The following TENM1 variants were observed in gnomAD, a reference collection of about 807,000 sequenced individuals.
TENM1 encodes the protein teneurin transmembrane protein 1.
A neutral mutation model predicts 174.8 loss-of-function variants in TENM1; 35 were observed. The ratio of observed to expected loss-of-function variants is 0.20; its 90% CI spans 0.15 to 0.27. The LOEUF (loss-of-function observed/expected upper bound fraction) is 0.27, where lower values mean the gene tolerates loss of function less well. TENM1 is among the 10% of genes least tolerant of loss of function. The pLI is 1.00. For synonymous variants in TENM1, 781 were observed against 798.7 expected (o/e 0.98, Z 0.37); for missense variants, 1,633 against 2,130.1 (o/e 0.77, Z 4.59).
intron 5 of TENM1, among the ~76,000 whole-genome samples, chrX:124,679,346 G>C (rs965743061): frequency 8.9e-6 from 1 of 111,748 alleles, no homozygotes. Context: ...CAAAACTACA[G>C]ATCTGCTTGT....
chrX:124,804,950 G>A (rs1372308835), intron 3 of TENM1, among the ~76,000 whole-genome samples: 1 of 111,805 alleles, frequency 8.9e-6, no homozygotes, highest in Non-Finnish European at 1.9e-5. Context: ...TTGCAAAATG[G>A]CATTGGTTTT....
rs139442021 is a variant in TENM1, at chrX:124,515,099, C to A, written c.3301+5418G>T. Among the ~76,000 whole-genome samples the A allele has an allele frequency of 8.9e-3, 995 of 111,306 alleles. 11 individuals carry two copies. The highest frequency in any genetic ancestry group is 0.031 in the African/African-American group (948 of 30,631). On this transcript the variant is annotated intron_variant, in intron 18 of 31. Coordinates refer to ENST00000422452, the Ensembl canonical transcript of TENM1. ...CATAAATGGAACTAAAGAAAAAAAC[C>A]ACTTGATCTCAACAGATGCATAAAT...
At chrX:125,028,911 C>T in the TENM1 span, among the ~76,000 whole-genome samples, 1 of 111,398 alleles carries the variant, frequency 9.0e-6, no homozygotes, top group Non-Finnish European at 1.9e-5. Flanking sequence ...AGGTAACATG[C>T]TAGATTTGAC....
At chrX:125,003,059 T>C in the TENM1 span, among the ~76,000 whole-genome samples, 293 of 111,964 alleles carry the variant, frequency 2.6e-3, 1 homozygote, top group African/African-American at 9.1e-3. Context: ...GGTTAAAACA[T>C]GCCCTCAATT....
At chrX:124,666,764 C>G (rs2051775880) in intron 6 of TENM1, among the ~76,000 whole-genome samples, 4 of 111,576 alleles carry the variant, frequency 3.6e-5, no homozygotes, top group Admixed American at 2.9e-4. Flanking sequence ...CTGAAACTAG[C>G]TAGAAACAAA....
At chrX:125,003,579 C>T in the TENM1 span, among the ~76,000 whole-genome samples, 1 of 111,191 alleles carries the variant, frequency 9.0e-6, no homozygotes, top group Non-Finnish European at 1.9e-5. Context: ...AGTTTGTGGG[C>T]TGCTTTATAA....
intron 25 of TENM1, among the ~76,000 whole-genome samples, chrX:124,418,407 T>C (rs1466060581): frequency 1.8e-5 from 2 of 108,784 alleles, no homozygotes; most frequent in Non-Finnish European, 1.9e-5. Flanking sequence ...TACAGATCTT[T>C]ATGCAAAAGT....
intron 3 of TENM1, among the ~76,000 whole-genome samples, chrX:124,886,536 T>TAGAG (rs2057387530): frequency 4.4e-5 from 4 of 90,925 alleles, no homozygotes; most frequent in East Asian, 3.8e-4. Flanking sequence ...TATATATATA[T>TAGAG]ATATATATAT....
the TENM1 span, among the ~76,000 whole-genome samples, chrX:125,117,702 T>A: frequency 2.8e-5 from 3 of 108,474 alleles, no homozygotes; most frequent in Admixed American, 9.9e-5. Context: ...AACTATAATT[T>A]AAAAAAAAAG....
At chrX:124,987,698 ATTTTGT>A in the TENM1 span, among the ~76,000 whole-genome samples, 1 of 72,473 alleles carries the variant, frequency 1.4e-5, no homozygotes, top group African/African-American at 6.0e-5. Flanking sequence ...CATGTTCTGC[ATTTTGT>A]GTGTGTGTGT....
Position 124,695,076 on chromosome X carries a change from G to A in TENM1, c.1015+9937C>T, listed in dbSNP as rs1241465164. ...TTGTTATAGCCATTTATACCTCAGT[G>A]TGAGTTATTTTATTATGTGGCTTCA... On this transcript the variant is annotated intron_variant, in intron 5 of 31. Transcript: ENST00000422452. Among the ~76,000 whole-genome samples, 4 of 111,600 alleles carry A rather than the reference G, an allele frequency of 3.6e-5. No homozygotes were observed. In the East Asian group the frequency reaches 1.1e-3, roughly 31 times the overall value.
the TENM1 span, among the ~76,000 whole-genome samples, chrX:125,006,131 C>A: frequency 8.9e-6 from 1 of 112,056 alleles, no homozygotes; most frequent in South Asian, 3.7e-4. Context: ...GAGATTCTCA[C>A]TGCCAGCAGA....
At chrX:124,438,117 C>G (rs944101564) in intron 23 of TENM1, among the ~76,000 whole-genome samples, 1 of 111,416 alleles carries the variant, frequency 9.0e-6, no homozygotes, top group African/African-American at 3.3e-5. Flanking sequence ...TCCCTAGAAC[C>G]TGAAGACACT....
intron 1 of TENM1, among the ~76,000 whole-genome samples, chrX:124,943,767 A>G (rs1369515961): frequency 6.2e-5 from 7 of 112,198 alleles, no homozygotes; most frequent in Non-Finnish European, 1.1e-4. Context: ...ACAAACAGTC[A>G]TAAGATTGCT....
chrX:124,608,781 C>CT lies in TENM1; in HGVS notation c.2077+33009dup, dbSNP rs55733864. Among the ~76,000 whole-genome samples the CT allele has an allele frequency of 1.2e-3, 112 of 93,061 alleles. 1 individual carries two copies. The highest frequency in any genetic ancestry group is 2.6e-3 in the African/African-American group (66 of 25,365). The allele number at this position is 93,061 out of a possible 115,157, so 80.8% of individuals were successfully genotyped here. A position where few individuals can be genotyped will look rare whatever the true frequency, so the allele number is the denominator to read the frequency against. ...GAACTGAAGCACCAGGAAGAGTAAG[C>CT]TTTTTTTTTTTTTTTCATTTTAGGA... On this transcript the variant is annotated intron_variant, in intron 11 of 31. Transcript: ENST00000422452.
At chrX:124,768,775 A>T (rs1306368243) in intron 3 of TENM1, among the ~76,000 whole-genome samples, 4 of 112,696 alleles carry the variant, frequency 3.5e-5, no homozygotes, top group Admixed American at 2.8e-4. Flanking sequence ...ATCTTCAACT[A>T]AAAATCAAAC....
At chrX:125,167,963 A>G in the TENM1 span, among the ~76,000 whole-genome samples, 10 of 111,413 alleles carry the variant, frequency 9.0e-5, no homozygotes, top group African/African-American at 3.3e-4. Flanking sequence ...ATATATTTGG[A>G]AATTGTTATA....
chrX:124,525,374 C>T (rs1199061632), intron 16 of TENM1, among the ~76,000 whole-genome samples: 2 of 112,030 alleles, frequency 1.8e-5, no homozygotes, highest in Non-Finnish European at 3.8e-5. Context: ...CAGTTTAAGG[C>T]AAGTGTAGTG....
At chrX:124,693,290 G>T (rs747794597) in intron 5 of TENM1, among the ~76,000 whole-genome samples, 2 of 110,813 alleles carry the variant, frequency 1.8e-5, no homozygotes, top group African/African-American at 6.5e-5. Context: ...TTACAGTCAG[G>T]CCTATTATTT....
Sources: gnomAD v4.1 joint callset for allele counts (sites outside exome capture counted in the v4.1 genomes callset) on GRCh38, gnomAD v4.1.1 for gene constraint, MANE v1.5 for transcripts, NCBI Gene and HGNC (gene_info 2026-07-23, HGNC 2026-07-21) for gene names.